Variants in KCNQ1OT1 observed in about 807,000 individuals in gnomAD.
The protein encoded by KCNQ1OT1 is KCNQ1 antisense RNA 2 (non-protein coding).
At chr11:2,628,066 A>G in exon 1 of KCNQ1OT1, 1 of 398,568 alleles carries the variant, frequency 2.5e-6, no homozygotes, top group East Asian at 3.6e-5. Context: ...TATGTTGCTC[A>G]TTTCTTGACT....
chr11:2,675,428 G>T, exon 1 of KCNQ1OT1: 1 of 398,532 alleles, frequency 2.5e-6, no homozygotes, highest in Non-Finnish European at 4.4e-6. Context: ...TTGTCATTTT[G>T]CGTTAAAATA....
chr11:2,667,256 G>A (rs1370293031), exon 1 of KCNQ1OT1: 11 of 398,552 alleles, frequency 2.8e-5, no homozygotes, highest in Non-Finnish European at 4.4e-5. Flanking sequence ...ACGTGAGGAA[G>A]AAGCGGCTGG....
At chr11:2,649,935 G>T (rs1472417137) in exon 1 of KCNQ1OT1, 2 of 398,256 alleles carry the variant, frequency 5.0e-6, no homozygotes, top group African/African-American at 4.1e-5. Context: ...GTGAAATATT[G>T]TTAGCTTAAT....
chr11:2,653,040 A>T lies in KCNQ1OT1; in HGVS notation n.46955T>A, dbSNP rs750457036. On this transcript the variant is annotated non_coding_transcript_exon_variant, in exon 1 of 1. Transcript: ENST00000597346. This position sits in a 1 kb window ranked among gnomAD's most constrained non-coding sequence, Gnocchi z 5.3. ...CTGCACACCTTTGATCCAATGTGAG[A>T]TCCAACATGTTCCATAATTTGCATC... 7 of 398,556 alleles carry T rather than the reference A, an allele frequency of 1.8e-5. No homozygotes were observed. Among genetic ancestry groups the T allele is most frequent in the Non-Finnish European group, 3.1e-5 (7 of 226,096 alleles). The allele number at this position is 398,556 out of a possible 1,614,324, so 24.7% of individuals were successfully genotyped here. A position where few individuals can be genotyped will look rare whatever the true frequency, so the allele number is the denominator to read the frequency against.
rs559333612 is a variant in KCNQ1OT1 at position 2,698,323 on chromosome 11, G to T, written n.1672C>A. 32 of 398,604 alleles carry T rather than the reference G, an allele frequency of 8.0e-5. No homozygotes were observed. Among genetic ancestry groups the T allele is most frequent in the African/African-American group, 5.5e-4 (27 of 48,734 alleles). 24.7% of individuals were successfully genotyped at this position (398,604 alleles called of 1,614,324 possible). A position where few individuals can be genotyped will look rare whatever the true frequency, so the allele number is the denominator to read the frequency against. On this transcript the variant is annotated non_coding_transcript_exon_variant, in exon 1 of 1. Transcript: ENST00000597346. This position sits in a 1 kb window ranked among gnomAD's most constrained non-coding sequence, Gnocchi z 5.1. ...TCTCTTTCATAACCAGAACAGTGCT[G>T]TGGGAAGGCACTCTTACTCTCAATT... is the stretch of plus-strand genomic sequence containing the variant.
Position 2,653,538 on chromosome 11 carries a change from T to C in KCNQ1OT1, n.46457A>G, listed in dbSNP as rs1010384121. On this transcript the variant is annotated non_coding_transcript_exon_variant, in exon 1 of 1. Coordinates refer to ENST00000597346, the Ensembl canonical transcript of KCNQ1OT1. The surrounding 1 kb of genome is among the most constrained non-coding windows in gnomAD (Gnocchi z 5.3). Reference sequence around the variant, plus strand: ...GCTCACTTGCTCTCACTCTCCCCTCTTGCACTCCCCTTCTCCCTTCCCGTT... The same window carrying C: ...GCTCACTTGCTCTCACTCTCCCCTCCTGCACTCCCCTTCTCCCTTCCCGTT... 12 of 398,686 alleles carry C rather than the reference T, an allele frequency of 3.0e-5. No individual in the cohort carries two copies. The highest frequency in any genetic ancestry group is 1.4e-4 in the African/African-American group (7 of 48,600). The allele number at this position is 398,686 out of a possible 1,614,324, so 24.7% of individuals were successfully genotyped here.
Position 2,620,885 on chromosome 11 carries a change from T to A in KCNQ1OT1, n.79110A>T, listed in dbSNP as rs1309867411. 4 of 398,482 alleles carry A rather than the reference T, an allele frequency of 1.0e-5. No homozygotes were observed. Among genetic ancestry groups the A allele is most frequent in the African/African-American group, 6.2e-5 (3 of 48,644 alleles). The allele number at this position is 398,482 out of a possible 1,614,324, so 24.7% of individuals were successfully genotyped here. A position where few individuals can be genotyped will look rare whatever the true frequency, so the allele number is the denominator to read the frequency against. On this transcript the variant is annotated non_coding_transcript_exon_variant, in exon 1 of 1. Transcript: ENST00000597346. The surrounding 1 kb of genome is among the most constrained non-coding windows in gnomAD (Gnocchi z 4.5). ...TTTGACTTTTTAATAATTGCCATTC[T>A]GACTGGTGTGAGATGGCATCCCATT... is the stretch of plus-strand genomic sequence containing the variant.
At position 2,645,115 on chromosome 11, in the gene KCNQ1OT1, T is replaced by G. The variant is rs1257216352; in HGVS notation, n.54880A>C. 13 of 398,526 alleles carry G rather than the reference T, an allele frequency of 3.3e-5. No individual in the cohort carries two copies. The highest frequency in any genetic ancestry group is 4.4e-6 in the Non-Finnish European group (1 of 226,112). 24.7% of individuals were successfully genotyped at this position (398,526 alleles called of 1,614,324 possible). On this transcript the variant is annotated non_coding_transcript_exon_variant, in exon 1 of 1. Transcript: ENST00000597346. This position sits in a 1 kb window ranked among gnomAD's most constrained non-coding sequence, Gnocchi z 5.8. ...TGAGCTCTGAGCAGCAGATATGGCTTGGGCAATGGCAGTAGCAGTGGCAGA... is the reference window on the plus strand; with the variant it reads ...TGAGCTCTGAGCAGCAGATATGGCTGGGGCAATGGCAGTAGCAGTGGCAGA...
chr11:2,662,539 C>T (rs1370726506), exon 1 of KCNQ1OT1: 1 of 428,240 alleles, frequency 2.3e-6, no homozygotes, highest in South Asian at 8.6e-5. Context: ...ATTTTCCACG[C>T]CTTCCAGTTG....
rs909550274 is a variant in KCNQ1OT1 at position 2,679,618 on chromosome 11, G to T, written n.20377C>A. ...ATGGGGAGGCGAGTTGGAATGAATA[G>T]TATCAGCATCAGAAAAAATACAAGT... On this transcript the variant is annotated non_coding_transcript_exon_variant, in exon 1 of 1. Coordinates refer to ENST00000597346, the Ensembl canonical transcript of KCNQ1OT1. The surrounding 1 kb of genome is among the most constrained non-coding windows in gnomAD (Gnocchi z 4.8). 2.3e-5 allele frequency: 9 copies of T among 398,484 alleles called. No individual in the cohort carries two copies. Among genetic ancestry groups the T allele is most frequent in the Non-Finnish European group, 3.5e-5 (8 of 226,078 alleles). 24.7% of individuals were successfully genotyped at this position (398,484 alleles called of 1,614,324 possible). A position where few individuals can be genotyped will look rare whatever the true frequency, so the allele number is the denominator to read the frequency against.
At chr11:2,636,570 T>C (rs1849468952) in exon 1 of KCNQ1OT1, 1 of 152,214 alleles carries the variant, frequency 6.6e-6, no homozygotes, top group African/African-American at 2.4e-5. Context: ...TTTGATGTGC[T>C]GCTGGATTCG....
At chr11:2,629,893 T>A (rs1376777394) in exon 1 of KCNQ1OT1, 1 of 398,116 alleles carries the variant, frequency 2.5e-6, no homozygotes, top group Non-Finnish European at 4.4e-6. Flanking sequence ...CTTCCTTCTT[T>A]CTGATTTGAG....
rs1181418812 is a variant in KCNQ1OT1, at chr11:2,612,415, T to C, written n.87580A>G. The C allele has an allele frequency of 2.5e-6, 1 of 398,430 alleles. No homozygotes were observed. The highest frequency in any genetic ancestry group is 2.1e-5 in the African/African-American group (1 of 48,612). The allele number at this position is 398,430 out of a possible 1,614,324, so 24.7% of individuals were successfully genotyped here. ...CCACTATATTATGGTATCCAATGGG[T>C]ATCTCTTCATTTTTCTTCATTATTT... On this transcript the variant is annotated non_coding_transcript_exon_variant, in exon 1 of 1. Transcript: ENST00000597346. This position sits in a 1 kb window ranked among gnomAD's most constrained non-coding sequence, Gnocchi z 5.5.
exon 1 of KCNQ1OT1, chr11:2,625,057 A>G (rs1849242048): frequency 2.5e-6 from 1 of 398,614 alleles, no homozygotes; most frequent in South Asian, 1.3e-4. Context: ...GTATACAAAT[A>G]TATCTTTGAG....
At chr11:2,619,277 TTTTCCC>T in exon 1 of KCNQ1OT1, 1 of 398,524 alleles carries the variant, frequency 2.5e-6, no homozygotes, top group Non-Finnish European at 4.4e-6. Flanking sequence ...AGGGCTTCTG[TTTTCCC>T]TCATTGATTA....
exon 1 of KCNQ1OT1, chr11:2,641,349 A>G: frequency 5.0e-6 from 2 of 398,048 alleles, no homozygotes; most frequent in Non-Finnish European, 8.9e-6. Flanking sequence ...AGCCATTCTC[A>G]CTATGGTTTT....
In KCNQ1OT1 at chr11:2,627,017, C is replaced by T. The variant is rs1849272422; in HGVS notation, n.72978G>A. The stretch of plus-strand genomic sequence containing the variant: ...GATTTGTAGATTGTTTTGTGTGGTA[C>T]TGACACCTTAACAATATTGGCCTTC... On this transcript the variant is annotated non_coding_transcript_exon_variant, in exon 1 of 1. Transcript: ENST00000597346. This position sits in a 1 kb window ranked among gnomAD's most constrained non-coding sequence, Gnocchi z 4.9. 1.0e-5 allele frequency: 4 copies of T among 398,552 alleles called. No homozygotes were observed. In the East Asian group the frequency reaches 1.4e-4, roughly 14 times the overall value. The allele number at this position is 398,552 out of a possible 1,614,324, so 24.7% of individuals were successfully genotyped here.
At position 2,674,389 on chromosome 11, in the gene KCNQ1OT1, A is replaced by ATGCG. The variant is rs1850250036; in HGVS notation, n.25602_25605dup. ...GCAGCTTCCTGCTTAGGGAAGGTGC[A>ATGCG]TGCGTGCGTGTGTGTGTGCGCGCCC... is the stretch of plus-strand genomic sequence containing the variant. On this transcript the variant is annotated non_coding_transcript_exon_variant, in exon 1 of 1. Transcript: ENST00000597346. The surrounding 1 kb of genome is among the most constrained non-coding windows in gnomAD (Gnocchi z 5.9). The ATGCG allele has an allele frequency of 1.3e-5, 2 of 156,900 alleles. No individual in the cohort carries two copies. Among genetic ancestry groups the ATGCG allele is most frequent in the South Asian group, 2.2e-4 (1 of 4,576 alleles). The allele number at this position is 156,900 out of a possible 1,614,324, so 9.7% of individuals were successfully genotyped here.
At chr11:2,656,738 C>T in exon 1 of KCNQ1OT1, 1 of 398,502 alleles carries the variant, frequency 2.5e-6, no homozygotes, top group African/African-American at 2.1e-5. Flanking sequence ...TCAAATTACT[C>T]AGTCTTCTCT....
Sources: allele counts gnomAD v4.1 joint callset, GRCh38; gene constraint gnomAD v4.1.1; non-coding constraint Gnocchi (gnomAD v3.1); transcripts MANE v1.5; gene names NCBI Gene and HGNC (gene_info 2026-07-23, HGNC 2026-07-21).